PARD3B: variants seen among roughly 807,000 people sequenced by gnomAD.
PARD3B encodes partitioning defective 3 homolog B.
A neutral mutation model predicts 130.2 loss-of-function variants in PARD3B; 103 were observed. The observed-to-expected ratio is 0.79, with a 90% CI of 0.67 to 0.93. PARD3B has a LOEUF of 0.93. PARD3B is among the 40% of genes least tolerant of loss of function. The probability of loss-of-function intolerance (pLI) is 0.00; values close to 1 mark genes in which losing one functional copy is unlikely to be tolerated. For synonymous variants in PARD3B, 583 were observed against 553.2 expected (o/e 1.05, Z -0.76); for missense variants, 1,609 against 1,499.2 (o/e 1.07, Z -1.21).
intron 3 of PARD3B, among the ~76,000 whole-genome samples, chr2:205,003,207 G>A (rs748789944): frequency 2.0e-5 from 3 of 152,120 alleles, no homozygotes; most frequent in Non-Finnish European, 4.4e-5. Context: ...ACTTTTATAG[G>A]GGACCTTGTG....
intron 4 of PARD3B, among the ~76,000 whole-genome samples, chr2:205,096,833 G>T (rs1239432620): frequency 1.3e-5 from 2 of 152,134 alleles, no homozygotes; most frequent in Non-Finnish European, 2.9e-5. Context: ...TTATTTTAAA[G>T]ATGCAATTAT....
At chr2:205,190,636 C>A (rs1318875890) in intron 14 of PARD3B, among the ~76,000 whole-genome samples, 1 of 152,134 alleles carries the variant, frequency 6.6e-6, no homozygotes, top group Non-Finnish European at 1.5e-5. Context: ...CCTGGCAATG[C>A]CAACTCTCCT....
chr2:205,496,448 T>G (rs2049928675), intron 20 of PARD3B, among the ~76,000 whole-genome samples: 1 of 152,040 alleles, frequency 6.6e-6, no homozygotes, highest in Admixed American at 6.6e-5. Context: ...CCACAAAAGG[T>G]TTGCACAGTG....
chr2:204,853,135 TG>T (rs1403698646), intron 2 of PARD3B, among the ~76,000 whole-genome samples: 1 of 152,180 alleles, frequency 6.6e-6, no homozygotes, highest in South Asian at 2.1e-4. Flanking sequence ...ATTATCACCA[TG>T]GGCATCTTAT....
chr2:204,620,838 G>A (rs184039823), intron 1 of PARD3B, among the ~76,000 whole-genome samples: 243 of 152,292 alleles, frequency 1.6e-3, no homozygotes, highest in South Asian at 4.1e-3. Flanking sequence ...AGTGCTAGGG[G>A]AATGGGGCAA....
chr2:205,418,652 T>G (rs1017349113), intron 19 of PARD3B, among the ~76,000 whole-genome samples: 14 of 152,092 alleles, frequency 9.2e-5, no homozygotes, highest in African/African-American at 3.4e-4. Context: ...TGCAGCAAAT[T>G]AGAAGAGACT....
chr2:205,460,073 A>T lies in PARD3B; in HGVS notation c.3044+19401A>T, dbSNP rs2048399044. ...AAACTAGGAACATTACAGTACCAGA[A>T]GACTTGGATGTGCTTAATTCCAGTT... is the stretch of plus-strand genomic sequence containing the variant. On this transcript the variant is annotated intron_variant, in intron 20 of 22. Coordinates refer to ENST00000406610, the MANE Select transcript of PARD3B (RefSeq NM_001302769.2). The surrounding 1 kb of genome is among the most constrained non-coding windows in gnomAD (Gnocchi z 4.9). Among the ~76,000 whole-genome samples the T allele has an allele frequency of 6.6e-6, 1 of 152,190 alleles. No individual in the cohort carries two copies. Among genetic ancestry groups the T allele is most frequent in the Admixed American group, 6.5e-5 (1 of 15,272 alleles).
At chr2:204,705,315 T>C (rs185349787) in intron 2 of PARD3B, among the ~76,000 whole-genome samples, 1 of 152,284 alleles carries the variant, frequency 6.6e-6, no homozygotes, top group East Asian at 1.9e-4. Context: ...AAGCAAAGCA[T>C]CATTAATAAT....
intron 2 of PARD3B, among the ~76,000 whole-genome samples, chr2:204,816,222 A>G (rs1357245204): frequency 6.6e-6 from 1 of 151,960 alleles, no homozygotes; most frequent in African/African-American, 2.4e-5. Flanking sequence ...CGTACGTATT[A>G]CTTTTAGCAT....
rs541098795 is a variant in PARD3B at position 205,146,380 on chromosome 2, T to A, written c.1435-12342T>A. Among the ~76,000 whole-genome samples the A allele has an allele frequency of 6.6e-5, 10 of 152,242 alleles. No homozygotes were observed. Among genetic ancestry groups the A allele is most frequent in the African/African-American group, 2.4e-4 (10 of 41,558 alleles). On this transcript the variant is annotated intron_variant, in intron 10 of 22. Coordinates refer to ENST00000406610, the MANE Select transcript of PARD3B (RefSeq NM_001302769.2). This position sits in a 1 kb window ranked among gnomAD's most constrained non-coding sequence, Gnocchi z 4.3. ...AATTGTTACATCAGGCTGGGTGCGG[T>A]GGCTCACCCCTGTAATCCCAGCATT...
At chr2:204,941,710 G>A (rs1688918465) in intron 2 of PARD3B, among the ~76,000 whole-genome samples, 2 of 152,092 alleles carry the variant, frequency 1.3e-5, no homozygotes, top group Admixed American at 6.5e-5. Context: ...TACTTCAATG[G>A]CATTTTTAGA....
chr2:204,891,555 A>G (rs569625666), intron 2 of PARD3B, among the ~76,000 whole-genome samples: 1 of 152,296 alleles, frequency 6.6e-6, no homozygotes, highest in South Asian at 2.1e-4. Flanking sequence ...CAGTGTTCAA[A>G]ATAATGCAAA....
At chr2:204,878,768 G>T (rs186180263) in intron 2 of PARD3B, among the ~76,000 whole-genome samples, 2 of 152,250 alleles carry the variant, frequency 1.3e-5, no homozygotes, top group Admixed American at 1.3e-4. Context: ...AGTGGGTCCT[G>T]CTGTTTGGTA....
chr2:205,611,887 T>G (rs1288128546), intron 22 of PARD3B, among the ~76,000 whole-genome samples: 1 of 152,144 alleles, frequency 6.6e-6, no homozygotes, highest in Non-Finnish European at 1.5e-5. Flanking sequence ...GATACATTTG[T>G]TATGCGGATT....
At chr2:205,594,409 G>A (rs1472221761) in intron 22 of PARD3B, among the ~76,000 whole-genome samples, 1 of 152,130 alleles carries the variant, frequency 6.6e-6, no homozygotes, top group Non-Finnish European at 1.5e-5. Flanking sequence ...GAATTGGGAT[G>A]GCACACACCT....
chr2:205,338,370 T>C (rs1192837023), intron 18 of PARD3B, among the ~76,000 whole-genome samples: 1 of 152,206 alleles, frequency 6.6e-6, no homozygotes, highest in Non-Finnish European at 1.5e-5. Flanking sequence ...GTTCCCATTC[T>C]TTAATATTAC....
chr2:205,602,693 T>G (rs1377921373), intron 22 of PARD3B, among the ~76,000 whole-genome samples: 1 of 152,218 alleles, frequency 6.6e-6, no homozygotes, highest in African/African-American at 2.4e-5. Flanking sequence ...TGTTTGTATT[T>G]CTGTGGGGTC....
intron 10 of PARD3B, among the ~76,000 whole-genome samples, chr2:205,155,460 A>G (rs1418442442): frequency 1.3e-5 from 2 of 152,362 alleles, no homozygotes; most frequent in African/African-American, 2.4e-5. Flanking sequence ...CCAGTGGAGC[A>G]GTAATACCTG....
At chr2:204,895,200 TTA>T (rs1253575727) in intron 2 of PARD3B, among the ~76,000 whole-genome samples, 7 of 152,090 alleles carry the variant, frequency 4.6e-5, no homozygotes, top group Admixed American at 4.6e-4. Context: ...AGGCATTAGG[TTA>T]TGTTAGAAAA....
Sources: allele counts gnomAD v4.1 joint callset (sites outside exome capture counted in the v4.1 genomes callset), GRCh38; gene constraint gnomAD v4.1.1; non-coding constraint Gnocchi (gnomAD v3.1); transcripts MANE v1.5; gene names NCBI Gene and HGNC (gene_info 2026-07-23, HGNC 2026-07-21).